Variants in NAA15 observed in about 807,000 individuals in gnomAD.
NAA15 encodes the protein N-terminal acetyltransferase.
NAA15 carries 34 observed loss-of-function variants against 114.0 expected under a neutral mutation model. That is an observed-to-expected ratio of 0.30 (90% confidence interval 0.23 to 0.40). The LOEUF is 0.40. Ranked by LOEUF, NAA15 falls within the 10% of genes least tolerant of loss-of-function variation. The pLI, the probability that NAA15 is intolerant of heterozygous loss-of-function variation, is 1.00. For missense variants in NAA15, 658 were observed against 1,004.5 expected (o/e 0.66, Z 4.66); for synonymous variants, 340 against 338.0 (o/e 1.01, Z -0.06).
intron 14 of NAA15, among the ~76,000 whole-genome samples, chr4:139,363,937 C>T (rs951223204): frequency 6.6e-6 from 1 of 152,344 alleles, no homozygotes; most frequent in African/African-American, 2.4e-5. Context: ...CTGGAGTCCA[C>T]TAGTGCGATC....
In NAA15 at chr4:139,315,006, T is replaced by TTAGGTTAGG. The variant is rs1553992520; in HGVS notation, c.54+13176_54+13177insAGGTTAGGT. ...AAGCGTTCAGTTCAGTTCAGTTTAG[T>TTAGGTTAGG]TTAGGTTAGGTTAGGTTAGGTTAGG... On this transcript the variant is annotated intron_variant, in intron 1 of 19. Transcript: ENST00000296543. Among the ~76,000 whole-genome samples the TTAGGTTAGG allele has an allele frequency of 8.1e-4, 82 of 101,546 alleles. 3 individuals carry two copies. In the East Asian group the frequency reaches 0.013, roughly 16 times the overall value. The allele number at this position is 101,546 out of a possible 152,430, so 66.6% of individuals were successfully genotyped here. A position where few individuals can be genotyped will look rare whatever the true frequency, so the allele number is the denominator to read the frequency against.
chr4:139,349,843 G>C (rs1747722717), intron 7 of NAA15, among the ~76,000 whole-genome samples: 2 of 151,948 alleles, frequency 1.3e-5, no homozygotes, highest in African/African-American at 4.8e-5. Context: ...AAATTAGCCT[G>C]GCATGGTGAT....
chr4:139,346,266 G>A (rs1009183538), intron 6 of NAA15, among the ~76,000 whole-genome samples: 2 of 152,026 alleles, frequency 1.3e-5, no homozygotes, highest in African/African-American at 4.8e-5. Flanking sequence ...GCATATTTTG[G>A]AGTTTCCTCT....
chr4:139,317,242 A>G (rs940542990), intron 1 of NAA15, among the ~76,000 whole-genome samples: 1 of 151,856 alleles, frequency 6.6e-6, no homozygotes, highest in African/African-American at 2.4e-5. Flanking sequence ...TCTCCTTATA[A>G]TGCTGTGGGG....
chr4:139,353,591 A>G (rs1343742253), intron 9 of NAA15, among the ~76,000 whole-genome samples: 2 of 152,208 alleles, frequency 1.3e-5, no homozygotes, highest in African/African-American at 4.8e-5. Context: ...TTTGAGTTTT[A>G]CTAATGTTTT....
At chr4:139,303,564 A>C (rs1745888528) in intron 1 of NAA15, among the ~76,000 whole-genome samples, 1 of 152,182 alleles carries the variant, frequency 6.6e-6, no homozygotes, top group African/African-American at 2.4e-5. Flanking sequence ...TGGGAGGCTG[A>C]GGCAGATGGA....
At chr4:139,338,809 G>A (rs1384432741) in intron 3 of NAA15, among the ~76,000 whole-genome samples, 1 of 151,518 alleles carries the variant, frequency 6.6e-6, no homozygotes, top group Admixed American at 6.6e-5. Context: ...TAGATTGAAG[G>A]TTGTTGTTTG....
intron 1 of NAA15, among the ~76,000 whole-genome samples, chr4:139,329,681 C>T (rs145702191): frequency 1.7e-4 from 26 of 152,286 alleles, no homozygotes; most frequent in African/African-American, 3.4e-4. Context: ...AAACTTAATG[C>T]GTCCTCATCA....
chr4:139,338,486 C>T (rs887638003), intron 3 of NAA15, among the ~76,000 whole-genome samples: 7 of 151,772 alleles, frequency 4.6e-5, no homozygotes, highest in Admixed American at 1.3e-4. Context: ...TTGATCTTGT[C>T]GCCCAGGCTG....
In NAA15 at chr4:139,312,857, A is replaced by G. The variant is rs145142686; in HGVS notation, c.54+11026A>G. On this transcript the variant is annotated intron_variant, in intron 1 of 19. Coordinates refer to ENST00000296543, the MANE Select transcript of NAA15 (RefSeq NM_057175.5). Reference sequence around the variant, plus strand: ...TGAGACCTTGTCTGGGGGGGAAAAAAAAAGTAAAATAAAAATTGCAGTGTA... The same window carrying G: ...TGAGACCTTGTCTGGGGGGGAAAAAGAAAGTAAAATAAAAATTGCAGTGTA... Among the ~76,000 whole-genome samples the G allele has an allele frequency of 2.4e-4, 37 of 151,898 alleles. No individual in the cohort carries two copies. The East Asian group carries it at 5.8e-3, about 24-fold the overall frequency.
intron 1 of NAA15, among the ~76,000 whole-genome samples, chr4:139,330,413 C>T (rs1450121897): frequency 6.6e-6 from 1 of 152,198 alleles, no homozygotes; most frequent in African/African-American, 2.4e-5. Flanking sequence ...CTTCTGCTTT[C>T]TCCTCCTCTT....
At chr4:139,349,352 C>A in intron 6 of NAA15, 110 bp from the exon 7 acceptor site, 2 of 956,370 alleles carry the variant, frequency 2.1e-6, no homozygotes, top group South Asian at 1.9e-5. Flanking sequence ...ATCCACTTAG[C>A]AGCACTGATT....
chr4:139,371,542 C>CACACACAT (rs1579131322), intron 15 of NAA15, among the ~76,000 whole-genome samples: 2 of 138,580 alleles, frequency 1.4e-5, no homozygotes, highest in Non-Finnish European at 3.1e-5. Context: ...CACACACACA[C>CACACACAT]GAAATATAGA....
intron 14 of NAA15, among the ~76,000 whole-genome samples, chr4:139,364,251 C>T (rs1748214907): frequency 1.3e-5 from 2 of 152,006 alleles, no homozygotes; most frequent in Admixed American, 1.3e-4. Context: ...AGATGAGTAT[C>T]TTTCATTATA....
intron 1 of NAA15, among the ~76,000 whole-genome samples, chr4:139,318,944 T>C (rs1163524792): frequency 6.6e-6 from 1 of 152,190 alleles, no homozygotes; most frequent in Admixed American, 6.5e-5. Flanking sequence ...CTTACAGAGC[T>C]ATAATCCCTT....
intron 15 of NAA15, among the ~76,000 whole-genome samples, chr4:139,375,412 C>T (rs546562974): frequency 5.3e-5 from 8 of 152,110 alleles, no homozygotes; most frequent in Admixed American, 1.3e-4. Context: ...CACACTAGGA[C>T]GTGGTGAATC....
rs770287900 is a variant in NAA15 at position 139,370,191 on chromosome 4, A to G, written c.1754-20A>G. On this transcript the variant is annotated intron_variant, in intron 14 of 19. Transcript: ENST00000296543. ...GATTAACATGCTTGTTAATTTTATT[A>G]ATTAACTTATTGCCTGCAGCAAACA... 2 of 1,475,360 alleles carry G rather than the reference A, an allele frequency of 1.4e-6. No homozygotes were observed. The highest frequency in any genetic ancestry group is 2.9e-5 in the African/African-American group (2 of 69,838). 91.4% of individuals were successfully genotyped at this position (1,475,360 alleles called of 1,614,324 possible).
At chr4:139,325,738 T>C (rs1027083865) in intron 1 of NAA15, among the ~76,000 whole-genome samples, 1 of 152,232 alleles carries the variant, frequency 6.6e-6, no homozygotes, top group Non-Finnish European at 1.5e-5. Flanking sequence ...AGCCTTGGAC[T>C]CCTGGGCTCA....
intron 15 of NAA15, among the ~76,000 whole-genome samples, chr4:139,374,152 C>G (rs944774107): frequency 6.6e-6 from 1 of 152,072 alleles, no homozygotes. Flanking sequence ...TACTCCTTTA[C>G]AACATATCTT....
Sources: gnomAD v4.1 joint callset for allele counts (sites outside exome capture counted in the v4.1 genomes callset) on GRCh38, gnomAD v4.1.1 for gene constraint, MANE v1.5 for transcripts, NCBI Gene and HGNC (gene_info 2026-07-23, HGNC 2026-07-21) for gene names.